The following DNAJC15 variants were observed in gnomAD, a reference collection of about 807,000 sequenced individuals.
DNAJC15 encodes the protein dnaJ homolog subfamily C member 15.
A neutral mutation model predicts 22.4 loss-of-function variants in DNAJC15; 27 were observed. The ratio of observed to expected loss-of-function variants is 1.20; its 90% confidence interval spans 0.89 to 1.66. The LOEUF (loss-of-function observed/expected upper bound fraction) is 1.66, where lower values mean the gene tolerates loss of function less well. Among genes scored for constraint, DNAJC15 ranks in the 40% most tolerant of loss-of-function variants. DNAJC15 has a pLI of 0.00. For synonymous variants in DNAJC15, 79 were observed against 63.2 expected, an observed-to-expected ratio of 1.25 and a Z score of -1.19; for missense variants, 208 against 187.1, an observed-to-expected ratio of 1.11 and a Z score of -0.65.
chr13:43,062,658 A>T (rs1473724307), intron 1 of DNAJC15, among the ~76,000 whole-genome samples: 1 of 152,254 alleles, frequency 6.6e-6, no homozygotes, highest in Non-Finnish European at 1.5e-5. Context: ...TGAATGGTTG[A>T]AATAGTAAAA....
At chr13:43,060,914 A>G (rs2040555728) in intron 1 of DNAJC15, among the ~76,000 whole-genome samples, 1 of 152,176 alleles carries the variant, frequency 6.6e-6, no homozygotes, top group Non-Finnish European at 1.5e-5. Flanking sequence ...CCAGACCAAG[A>G]GGTATTTTAG....
At chr13:43,031,514 C>T (rs956596773) in intron 1 of DNAJC15, among the ~76,000 whole-genome samples, 4 of 152,278 alleles carry the variant, frequency 2.6e-5, no homozygotes, top group Middle Eastern at 3.4e-3. Context: ...GTTGAAAATG[C>T]GTTACAGTGG....
At chr13:43,035,497 G>A (rs1447727942) in intron 1 of DNAJC15, among the ~76,000 whole-genome samples, 2 of 152,096 alleles carry the variant, frequency 1.3e-5, no homozygotes, top group Admixed American at 6.5e-5. Flanking sequence ...TTGTATAGTA[G>A]GCATTAGAAC....
intron 2 of DNAJC15, among the ~76,000 whole-genome samples, chr13:43,066,624 T>C (rs1238959512): frequency 6.6e-6 from 1 of 152,120 alleles, no homozygotes; most frequent in Non-Finnish European, 1.5e-5. Context: ...CACAGCACAA[T>C]GCTAGTTTTT....
chr13:43,087,686 C>A (rs1323866203), intron 5 of DNAJC15, among the ~76,000 whole-genome samples: 1 of 152,148 alleles, frequency 6.6e-6, no homozygotes, highest in Non-Finnish European at 1.5e-5. Flanking sequence ...CACCCACCCC[C>A]AAGGAACTTT....
chr13:43,094,242 C>T (rs1314090448), intron 5 of DNAJC15, among the ~76,000 whole-genome samples: 2 of 152,108 alleles, frequency 1.3e-5, no homozygotes, highest in Non-Finnish European at 2.9e-5. Context: ...TCAAATACTG[C>T]TTCACTGAGA....
chr13:43,102,200 T>A (rs190864029), intron 5 of DNAJC15, among the ~76,000 whole-genome samples: 30 of 152,318 alleles, frequency 2.0e-4, no homozygotes, highest in African/African-American at 6.7e-4. Flanking sequence ...AGCATTTTTT[T>A]AATGTTTGTT....
chr13:43,063,029 G>C (rs1404857232), intron 1 of DNAJC15, among the ~76,000 whole-genome samples: 1 of 151,706 alleles, frequency 6.6e-6, no homozygotes, highest in Non-Finnish European at 1.5e-5. Flanking sequence ...TTTATTTTTT[G>C]AGAGAGTCTC....
intron 1 of DNAJC15, among the ~76,000 whole-genome samples, chr13:43,065,213 A>AT (rs2040577953): frequency 1.3e-5 from 2 of 152,160 alleles, no homozygotes; most frequent in South Asian, 2.1e-4. Flanking sequence ...TAACTTTTGA[A>AT]TTTTTTATCA....
At chr13:43,085,441 C>T (rs926883282) in intron 4 of DNAJC15, among the ~76,000 whole-genome samples, 6 of 152,060 alleles carry the variant, frequency 3.9e-5, no homozygotes, top group Admixed American at 2.0e-4. Context: ...ATACCGCCTT[C>T]CCCCCAAATA....
Position 43,110,889 on chromosome 13 carries a change from C to CTG in DNAJC15, c.*3643_*3644dup, listed in dbSNP as rs1382951304. The CTG allele has an allele frequency of 6.6e-6, 1 of 152,218 alleles. No individual in the cohort carries two copies. Among genetic ancestry groups the CTG allele is most frequent in the Admixed American group, 6.5e-5 (1 of 15,280 alleles). 9.4% of individuals were successfully genotyped at this position (152,218 alleles called of 1,614,324 possible). ...GTAAAAAGCTTATTTGAGTGGTTAC[C>CTG]TGTCTTCAGTAAAGATTGCGCTTGC... is the stretch of plus-strand genomic sequence containing the variant. On this transcript the variant is annotated 3_prime_UTR_variant, in exon 6 of 6. Coordinates refer to ENST00000379221, the MANE Select transcript of DNAJC15 (RefSeq NM_013238.3).
chr13:43,035,910 G>C (rs2040426687), intron 1 of DNAJC15, among the ~76,000 whole-genome samples: 1 of 151,850 alleles, frequency 6.6e-6, no homozygotes. Context: ...ATATTTGGTA[G>C]AGATGGGGGT....
chr13:43,069,040 T>G, intron 3 of DNAJC15, 37 bp downstream of exon 3: 1 of 1,580,918 alleles, frequency 6.3e-7, no homozygotes, highest in Non-Finnish European at 8.6e-7. Flanking sequence ...AGACTCATTT[T>G]GATTTTTGTT....
intron 1 of DNAJC15, among the ~76,000 whole-genome samples, chr13:43,027,363 G>C (rs1052143516): frequency 1.3e-5 from 2 of 152,108 alleles, no homozygotes; most frequent in African/African-American, 4.8e-5. Context: ...ATTAAGCCCA[G>C]CATGCATTAG....
chr13:43,113,729 T>C lies in DNAJC15; in HGVS notation c.*6481T>C, dbSNP rs778497001. On this transcript the variant is annotated 3_prime_UTR_variant, in exon 6 of 6. Coordinates refer to ENST00000379221, the MANE Select transcript of DNAJC15 (RefSeq NM_013238.3). ...TTCTGTAAATGTGAATAGTTAAGAG[T>C]TGACTGCAGAAGTGTTTACACTTTG... 2.0e-5 allele frequency: 3 copies of C among 152,216 alleles called. No individual in the cohort carries two copies. Among genetic ancestry groups the C allele is most frequent in the Non-Finnish European group, 4.4e-5 (3 of 68,042 alleles). The allele number at this position is 152,216 out of a possible 1,614,324, so 9.4% of individuals were successfully genotyped here. A position where few individuals can be genotyped will look rare whatever the true frequency, so the allele number is the denominator to read the frequency against.
intron 1 of DNAJC15, among the ~76,000 whole-genome samples, chr13:43,055,191 C>G (rs1344305875): frequency 6.6e-6 from 1 of 151,724 alleles, no homozygotes; most frequent in Non-Finnish European, 1.5e-5. Flanking sequence ...CAAAAGAAGG[C>G]ATCACAGACT....
intron 1 of DNAJC15, among the ~76,000 whole-genome samples, chr13:43,057,966 C>T (rs2040539835): frequency 1.3e-5 from 2 of 152,130 alleles, no homozygotes; most frequent in South Asian, 4.2e-4. Flanking sequence ...GTGTTTGAGT[C>T]TCTCAGCTGT....
intron 1 of DNAJC15, among the ~76,000 whole-genome samples, chr13:43,026,162 G>C (rs1411231897): frequency 1.3e-5 from 2 of 152,094 alleles, no homozygotes; most frequent in Non-Finnish European, 2.9e-5. Flanking sequence ...GTAAAAACTT[G>C]AACAAAACAG....
intron 1 of DNAJC15, among the ~76,000 whole-genome samples, chr13:43,024,109 T>G (rs1593305323): frequency 6.6e-6 from 1 of 152,082 alleles, no homozygotes; most frequent in Non-Finnish European, 1.5e-5. Flanking sequence ...AAAGCTGTAG[T>G]TAAAAATTAA....
Sources: allele counts gnomAD v4.1 joint callset (sites outside exome capture counted in the v4.1 genomes callset), GRCh38; gene constraint gnomAD v4.1.1; transcripts MANE v1.5; gene names NCBI Gene and HGNC (gene_info 2026-07-23, HGNC 2026-07-21).